NLRP5: variants seen among roughly 807,000 people sequenced by gnomAD.
NLRP5 encodes NACHT, LRR and PYD domains-containing protein 5.
NLRP5 carries 93 observed loss-of-function variants against 113.1 expected under a neutral mutation model. That is an observed-to-expected ratio of 0.82 (90% CI 0.70 to 0.98). The LOEUF is 0.98. Ranked by LOEUF, NLRP5 falls within the 50% of genes least tolerant of loss-of-function variation. The probability of loss-of-function intolerance (pLI) is 0.00; values close to 1 mark genes in which losing one functional copy is unlikely to be tolerated. For synonymous variants in NLRP5, 751 were observed against 600.7 expected, an observed-to-expected ratio of 1.25 and a Z score of -3.66; for missense variants, 1,808 against 1,514.3, an observed-to-expected ratio of 1.19 and a Z score of -3.22.
intron 6 of NLRP5, among the ~76,000 whole-genome samples, chr19:56,021,655 G>A (rs919330687): frequency 1.3e-5 from 2 of 152,142 alleles, no homozygotes; most frequent in East Asian, 1.9e-4. Flanking sequence ...TCAGCACTTC[G>A]TTTTTGTTGC....
intron 3 of NLRP5, among the ~76,000 whole-genome samples, chr19:56,011,379 T>G (rs969201914): frequency 2.6e-5 from 4 of 152,076 alleles, no homozygotes; most frequent in Non-Finnish European, 4.4e-5. Context: ...GGCAGGGTTT[T>G]TCTCGTTGAG....
intron 11 of NLRP5, among the ~76,000 whole-genome samples, chr19:56,046,770 G>A (rs984234674): frequency 2.6e-5 from 4 of 152,110 alleles, no homozygotes; most frequent in African/African-American, 9.7e-5. Flanking sequence ...CTGACCTCGT[G>A]ATCTGCCCGC....
chr19:56,029,652 T>C (rs1983015762), intron 7 of NLRP5, among the ~76,000 whole-genome samples: 1 of 152,232 alleles, frequency 6.6e-6, no homozygotes, highest in African/African-American at 2.4e-5. Flanking sequence ...TGTCTCAGTG[T>C]CATCCTCCTA....
chr19:56,015,351 T>G (rs565323614), intron 3 of NLRP5, among the ~76,000 whole-genome samples: 1 of 152,218 alleles, frequency 6.6e-6, no homozygotes, highest in Admixed American at 6.5e-5. Context: ...CACGCCACCA[T>G]GCCTGGCTAA....
Position 56,015,728 on chromosome 19 carries a change from C to T in NLRP5, c.509-14C>T, listed in dbSNP as rs1982378254. The T allele has an allele frequency of 1.3e-6, 2 of 1,557,358 alleles. No individual in the cohort carries two copies. Among genetic ancestry groups the T allele is most frequent in the South Asian group, 1.2e-5 (1 of 83,722 alleles). On this transcript the variant is annotated splice_polypyrimidine_tract_variant and intron_variant, in intron 3 of 14. Coordinates refer to ENST00000390649, the MANE Select transcript of NLRP5 (RefSeq NM_153447.4). Reference sequence around the variant, plus strand: ...AGTATGTTTGTGTTTATTCTTCTCCCTTCTCTTTTGCAGGAATTTCACAAG... The same window carrying T: ...AGTATGTTTGTGTTTATTCTTCTCCTTTCTCTTTTGCAGGAATTTCACAAG...
At chr19:55,989,327 C>T in the NLRP5 span, among the ~76,000 whole-genome samples, 11 of 152,178 alleles carry the variant, frequency 7.2e-5, no homozygotes, top group Non-Finnish European at 1.3e-4. Flanking sequence ...TGGATCTCTA[C>T]TCACTGCACC....
chr19:56,045,963 A>G lies in NLRP5; in HGVS notation c.2958-4455A>G, dbSNP rs1350107435. Among the ~76,000 whole-genome samples the G allele has an allele frequency of 2.0e-5, 3 of 152,288 alleles. No homozygotes were observed. The East Asian group carries it at 5.8e-4, about 29-fold the overall frequency. The stretch of plus-strand genomic sequence containing the variant: ...TCCAAGAGGCCTTCTGGATGTGTAC[A>G]TGTGGGTCACAGAGGTCACCATGGC... On this transcript the variant is annotated intron_variant, in intron 11 of 14. Transcript: ENST00000390649.
chr19:56,028,072 G>A lies in NLRP5; in HGVS notation c.1839G>A (p.Glu613=), dbSNP rs375208338. The A allele has an allele frequency of 6.2e-6, 10 of 1,614,048 alleles. No homozygotes were observed. The highest frequency in any genetic ancestry group is 8.5e-6 in the Non-Finnish European group (10 of 1,179,904). ...CAGCTCTCTGCCCTCTGTACGTTGA[G>A]AAGACAAAGAGGTCCATGGAGCTTA... The change falls in exon 7 of 15, where the codon GAG becomes GAA. Residue 613 remains glutamate, a synonymous_variant. Transcript: ENST00000390649.
chr19:56,041,940 CAG>C (rs1425031162), intron 11 of NLRP5, among the ~76,000 whole-genome samples: 1 of 152,196 alleles, frequency 6.6e-6, no homozygotes, highest in African/African-American at 2.4e-5. Flanking sequence ...GCCTGGGCAA[CAG>C]AGTGAGACTG....
chr19:56,040,291 C>G (rs1409104820), intron 10 of NLRP5, among the ~76,000 whole-genome samples: 1 of 152,106 alleles, frequency 6.6e-6, no homozygotes, highest in Non-Finnish European at 1.5e-5. Flanking sequence ...TACAGTGGCT[C>G]ACGCCTGTAA....
chr19:56,049,616 T>A (rs761879926), intron 11 of NLRP5, among the ~76,000 whole-genome samples: 1 of 152,178 alleles, frequency 6.6e-6, no homozygotes, highest in Non-Finnish European at 1.5e-5. Flanking sequence ...CAGCCTGAAT[T>A]TCTTTCTTCT....
chr19:56,051,246 G>A (rs1472938477), intron 12 of NLRP5, among the ~76,000 whole-genome samples: 1 of 152,170 alleles, frequency 6.6e-6, no homozygotes, highest in Non-Finnish European at 1.5e-5. Flanking sequence ...AGGCTAGAGT[G>A]CAGTGGCATG....
chr19:56,035,117 T>C (rs1253715608), intron 9 of NLRP5, among the ~76,000 whole-genome samples: 1 of 152,054 alleles, frequency 6.6e-6, no homozygotes, highest in Non-Finnish European at 1.5e-5. Context: ...TCTTGTATTT[T>C]TAGTAGAGAT....
intron 13 of NLRP5, among the ~76,000 whole-genome samples, chr19:56,057,959 A>G (rs1478751630): frequency 6.6e-6 from 1 of 151,280 alleles, no homozygotes; most frequent in Non-Finnish European, 1.5e-5. Flanking sequence ...TCCCAGAGGT[A>G]GAAGGTTGCA....
rs554649122 is a variant in NLRP5 at position 56,024,392 on chromosome 19, A to G, written c.680-2521A>G. 3.5e-4 allele frequency among the ~76,000 whole-genome samples: 44 copies of G among 127,482 alleles called. 1 individual carries two copies. In the East Asian group the frequency reaches 8.5e-3, roughly 25 times the overall value. The allele number at this position is 127,482 out of a possible 152,430, so 83.6% of individuals were successfully genotyped here. ...ATATATATGTGTATATATAACATAT[A>G]TACATATATGTACATATATGTATAT... On this transcript the variant is annotated intron_variant, in intron 6 of 14. Transcript: ENST00000390649.
intron 6 of NLRP5, among the ~76,000 whole-genome samples, chr19:56,025,386 T>TTCTCTCTCTCTCTCTCTCTCTCTCTCTC (rs3055366): frequency 0.015 from 2,183 of 146,368 alleles, 39 homozygotes; most frequent in Non-Finnish European, 0.023. Context: ...ACGTGCTCCG[T>TTCTCTCTCTCTCTCTCTCTCTCTCTCTC]TCTCTCTCTC....
rs369715842 is a variant in NLRP5, at chr19:56,061,530, G to A, written c.*2G>A. 3 of 1,613,836 alleles carry A rather than the reference G, an allele frequency of 1.9e-6. No homozygotes were observed. The highest frequency in any genetic ancestry group is 1.6e-4 in the Middle Eastern group (1 of 6,084). On this transcript the variant is annotated 3_prime_UTR_variant, in exon 15 of 15. Transcript: ENST00000390649. ...GACCGGTACTGGTGGAAAAACTGAAGATACGGAAACCTGCCCCACTCACAC... is the reference window on the plus strand; with the variant it reads ...GACCGGTACTGGTGGAAAAACTGAAAATACGGAAACCTGCCCCACTCACAC...
At position 56,028,483 on chromosome 19, in the gene NLRP5, T is replaced by C; in HGVS notation, c.2250T>C (p.Ala750=). ...GGATCTTCCCAAGAGATGAGTCCGC[T>C]GAGGCATGTCCTGTGGTCCCTCTAT... is the stretch of plus-strand genomic sequence containing the variant. Residue 750 remains alanine, a synonymous_variant, in exon 7 of 15, where the codon GCT becomes GCC. Coordinates refer to ENST00000390649, the MANE Select transcript of NLRP5 (RefSeq NM_153447.4). The C allele has an allele frequency of 1.2e-6, 2 of 1,613,732 alleles. No individual in the cohort carries two copies. The highest frequency in any genetic ancestry group is 1.7e-6 in the Non-Finnish European group (2 of 1,179,880).
At chr19:55,998,710 G>GTGTGTGTGTGTATATATATATATA (rs764250371), upstream of NLRP5, among the ~76,000 whole-genome samples, 15 of 67,836 alleles carry the variant, frequency 2.2e-4, no homozygotes, top group Admixed American at 1.5e-3. Flanking sequence ...ATATGTGTGT[G>GTGTGTGTGTGTATATATATATATA]TGTGTATATA....
Sources: gnomAD v4.1 joint callset for allele counts (sites outside exome capture counted in the v4.1 genomes callset) on GRCh38, gnomAD v4.1.1 for gene constraint, MANE v1.5 for transcripts, NCBI Gene and HGNC (gene_info 2026-07-23, HGNC 2026-07-21) for gene names.